Variants in RIC8B observed in about 807,000 individuals in gnomAD.
RIC8B encodes the protein chaperone Ric-8B.
A neutral mutation model predicts 57.5 loss-of-function variants in RIC8B; 16 were observed. That is an observed-to-expected ratio of 0.28 (90% CI 0.19 to 0.42). The LOEUF is 0.42. RIC8B is among the 10% of genes least tolerant of loss of function. The pLI, the probability that RIC8B is intolerant of heterozygous loss-of-function variation, is 1.00. For missense variants in RIC8B, 481 were observed against 677.0 expected (o/e 0.71, Z 3.21); for synonymous variants, 216 against 250.8 (o/e 0.86, Z 1.31).
At chr12:106,810,930 A>G (rs1440417971) in intron 2 of RIC8B, among the ~76,000 whole-genome samples, 1 of 152,208 alleles carries the variant, frequency 6.6e-6, no homozygotes, top group Non-Finnish European at 1.5e-5. Context: ...TGCCAAGGCC[A>G]CAATTGTTCA....
chr12:106,864,383 C>T (rs1022926911), intron 8 of RIC8B, among the ~76,000 whole-genome samples: 16 of 152,038 alleles, frequency 1.1e-4, no homozygotes, highest in African/African-American at 3.6e-4. Flanking sequence ...GGCTCCCTAA[C>T]GCTAGTAATA....
rs1396243357 is a variant in RIC8B at position 106,871,126 on chromosome 12, G to A, written c.1571+184G>A. The A allele has an allele frequency of 1.7e-5, 8 of 464,530 alleles. No homozygotes were observed. In the East Asian group the frequency reaches 2.5e-4, roughly 15 times the overall value. The allele number at this position is 464,530 out of a possible 1,614,324, so 28.8% of individuals were successfully genotyped here. On this transcript the variant is annotated intron_variant, in intron 9 of 9. Coordinates refer to ENST00000392837, the MANE Select transcript of RIC8B (RefSeq NM_001330145.2). ...TGGTTTTTCTACATGTGCCGCTTCT[G>A]GATGTGCATTCCTAAACATTTAAAC...
chr12:106,843,846 T>TTA lies in RIC8B; in HGVS notation c.1066-3_1066-2dup. ...TTTCAAAAACATATGGTTTTTTTTT[T>TTA]TATAGGGAAGCAGCTATAGAGAGGG... On this transcript the variant is annotated splice_region_variant and splice_polypyrimidine_tract_variant and intron_variant, in intron 5 of 9. Coordinates refer to ENST00000392837, the MANE Select transcript of RIC8B (RefSeq NM_001330145.2). The TTA allele has an allele frequency of 6.3e-7, 1 of 1,591,750 alleles. No homozygotes were observed. The highest frequency in any genetic ancestry group is 8.6e-7 in the Non-Finnish European group (1 of 1,167,012).
intron 2 of RIC8B, among the ~76,000 whole-genome samples, chr12:106,801,541 G>C (rs1215841294): frequency 6.6e-6 from 1 of 152,090 alleles, no homozygotes; most frequent in Non-Finnish European, 1.5e-5. Flanking sequence ...CTCGTTCATA[G>C]AGACAGTATC....
chr12:106,883,923 C>T (rs1021660771), intron 9 of RIC8B, among the ~76,000 whole-genome samples: 9 of 152,210 alleles, frequency 5.9e-5, no homozygotes, highest in African/African-American at 2.2e-4. Context: ...CATTGAACCT[C>T]ACCATTCCCC....
rs187462304 is a variant in RIC8B at position 106,784,784 on chromosome 12, A to T, written c.132+740A>T. 1.1e-3 allele frequency among the ~76,000 whole-genome samples: 171 copies of T among 152,256 alleles called. 3 individuals are homozygous for T. The highest frequency in any genetic ancestry group is 1.5e-4 in the Non-Finnish European group (10 of 68,000). On this transcript the variant is annotated intron_variant, in intron 2 of 9. Coordinates refer to ENST00000392837, the MANE Select transcript of RIC8B (RefSeq NM_001330145.2). ...CACTGCTGCTAGAAAAATAGCTTAA[A>T]TCCAGTATTTTGCTAGTAGTGGGTT...
At chr12:106,845,299 T>TA (rs1241715131) in intron 6 of RIC8B, among the ~76,000 whole-genome samples, 1 of 150,446 alleles carries the variant, frequency 6.6e-6, no homozygotes, top group African/African-American at 2.5e-5. Context: ...ACCGGTTCCT[T>TA]AGCAAACTCC....
At chr12:106,785,996 G>A (rs1324705574) in intron 2 of RIC8B, among the ~76,000 whole-genome samples, 1 of 151,548 alleles carries the variant, frequency 6.6e-6, no homozygotes, top group Non-Finnish European at 1.5e-5. Context: ...ACAGGTATGT[G>A]CCACCATGCC....
intron 9 of RIC8B, among the ~76,000 whole-genome samples, chr12:106,876,798 TCTC>T (rs780729420): frequency 9.9e-5 from 15 of 152,094 alleles, no homozygotes; most frequent in Middle Eastern, 6.3e-3. Context: ...TTCTCTTAGT[TCTC>T]CTCATTCTTT....
chr12:106,862,608 G>T (rs1262296354), intron 8 of RIC8B, among the ~76,000 whole-genome samples: 1 of 152,098 alleles, frequency 6.6e-6, no homozygotes, highest in Non-Finnish European at 1.5e-5. Flanking sequence ...TCACCAGTCA[G>T]AGTTCCCAAG....
At chr12:106,812,855 T>C (rs1752042963) in intron 2 of RIC8B, among the ~76,000 whole-genome samples, 1 of 152,210 alleles carries the variant, frequency 6.6e-6, no homozygotes, top group Admixed American at 6.5e-5. Flanking sequence ...CCTTTCTAAA[T>C]ATCAGGTATG....
At chr12:106,833,852 G>C (rs989327453) in intron 4 of RIC8B, among the ~76,000 whole-genome samples, 21 of 152,078 alleles carry the variant, frequency 1.4e-4, no homozygotes, top group Non-Finnish European at 1.0e-4. Flanking sequence ...TGAATGCTTG[G>C]TGCTGTCCTC....
intron 2 of RIC8B, among the ~76,000 whole-genome samples, chr12:106,792,377 A>G (rs943640091): frequency 6.6e-5 from 10 of 152,242 alleles, no homozygotes; most frequent in Admixed American, 4.6e-4. Context: ...CAGTCTATAC[A>G]TGATCGTTGG....
chr12:106,839,978 A>T (rs1050961472), intron 4 of RIC8B, among the ~76,000 whole-genome samples: 5 of 152,190 alleles, frequency 3.3e-5, no homozygotes, highest in African/African-American at 7.2e-5. Flanking sequence ...TGATCATGCC[A>T]CTGCACTCTG....
intron 9 of RIC8B, among the ~76,000 whole-genome samples, chr12:106,872,669 C>CAAAAAAAAAAA (rs11396158): frequency 1.1e-5 from 1 of 92,862 alleles, no homozygotes. Flanking sequence ...AACTCTGTCT[C>CAAAAAAAAAAA]AAAAAAAAAA....
chr12:106,867,159 A>C lies in RIC8B; in HGVS notation c.1452-3664A>C, dbSNP rs1385765352. On this transcript the variant is annotated intron_variant, in intron 8 of 9. Transcript: ENST00000392837. This position sits in a 1 kb window ranked among gnomAD's most constrained non-coding sequence, Gnocchi z 4.3. ...CCAAAGGTAGCAAAAATTTGAAGAA[A>C]GAGCAAAAGACTTGAAATACAGTTC... Among the ~76,000 whole-genome samples the C allele has an allele frequency of 6.6e-6, 1 of 152,242 alleles. No homozygotes were observed. The highest frequency in any genetic ancestry group is 2.4e-5 in the African/African-American group (1 of 41,464).
chr12:106,796,763 C>A (rs1215394128), intron 2 of RIC8B, among the ~76,000 whole-genome samples: 2 of 152,178 alleles, frequency 1.3e-5, no homozygotes, highest in East Asian at 3.8e-4. Flanking sequence ...AGACAACCCA[C>A]AGAATGGGAG....
chr12:106,879,758 A>G lies in RIC8B; in HGVS notation c.1572-6146A>G. On this transcript the variant is annotated intron_variant, in intron 9 of 9. Transcript: ENST00000392837. This position sits in a 1 kb window ranked among gnomAD's most constrained non-coding sequence, Gnocchi z 4.9. ...TCGTTTAGTAAGATCAAATTTCTAA[A>G]TGATGTTTCGTTCCAGTTGAACATT... The G allele has an allele frequency of 1.0e-6, 1 of 985,380 alleles. No individual in the cohort carries two copies. The highest frequency in any genetic ancestry group is 1.2e-6 in the Non-Finnish European group (1 of 829,914). 61.0% of individuals were successfully genotyped at this position (985,380 alleles called of 1,614,324 possible). A position where few individuals can be genotyped will look rare whatever the true frequency, so the allele number is the denominator to read the frequency against.
chr12:106,800,351 G>A (rs371925762), intron 2 of RIC8B, among the ~76,000 whole-genome samples: 22 of 144,604 alleles, frequency 1.5e-4, no homozygotes, highest in Admixed American at 4.9e-4. Context: ...GGCTGAGCAG[G>A]AGGAAGAGAG....
Sources: allele counts gnomAD v4.1 joint callset (sites outside exome capture counted in the v4.1 genomes callset), GRCh38; gene constraint gnomAD v4.1.1; non-coding constraint Gnocchi (gnomAD v3.1); transcripts MANE v1.5; gene names NCBI Gene and HGNC (gene_info 2026-07-23, HGNC 2026-07-21).